Variants in SLC10A6 observed in about 807,000 individuals in gnomAD.
SLC10A6 encodes the protein solute carrier family 10 member 6.
A neutral mutation model predicts 30.0 loss-of-function variants in SLC10A6; 27 were observed. That is an observed-to-expected ratio of 0.90 (90% CI 0.66 to 1.24). The LOEUF (loss-of-function observed/expected upper bound fraction) is 1.24, where lower values mean the gene tolerates loss of function less well. Among genes scored for constraint, SLC10A6 ranks in the 50% most tolerant of loss-of-function variants. SLC10A6 has a pLI of 0.00. For synonymous variants in SLC10A6, 166 were observed against 173.8 expected (o/e 0.95, Z 0.36); for missense variants, 439 against 457.0 (o/e 0.96, Z 0.36).
chr4:86,836,124 T>C (rs1037069404), intron 1 of SLC10A6, among the ~76,000 whole-genome samples: 3 of 152,144 alleles, frequency 2.0e-5, no homozygotes, highest in Non-Finnish European at 2.9e-5. Flanking sequence ...CAGAAGGAAG[T>C]TGTGGTCTTT....
Position 86,823,587 on chromosome 4 carries a change from A to G in SLC10A6, c.*101T>C. The stretch of plus-strand genomic sequence containing the variant: ...AAATATTCTAACATTGAACACTTAA[A>G]TATTCACACTGGCCCTACCAACAAG... On this transcript the variant is annotated 3_prime_UTR_variant, in exon 6 of 6. Coordinates refer to ENST00000273905, the MANE Select transcript of SLC10A6 (RefSeq NM_197965.3). 1 of 870,906 alleles carries G rather than the reference A, an allele frequency of 1.1e-6. No individual in the cohort carries two copies. The highest frequency in any genetic ancestry group is 1.7e-6 in the Non-Finnish European group (1 of 576,320). The allele number at this position is 870,906 out of a possible 1,614,324, so 53.9% of individuals were successfully genotyped here. A position where few individuals can be genotyped will look rare whatever the true frequency, so the allele number is the denominator to read the frequency against.
Position 86,848,795 on chromosome 4 carries a change from C to T in SLC10A6, c.321G>A (p.Pro107=), listed in dbSNP as rs767812260. 17 of 1,612,642 alleles carry T rather than the reference C, an allele frequency of 1.1e-5. No homozygotes were observed. Among genetic ancestry groups the T allele is most frequent in the African/African-American group, 2.7e-5 (2 of 74,904 alleles). Residue 107 remains proline, a synonymous_variant, in exon 1 of 6, where the codon CCG becomes CCA. Coordinates refer to ENST00000273905, the MANE Select transcript of SLC10A6 (RefSeq NM_197965.3). ...TGAAAATGTTAGAGATGGTGCCCCC[C>T]GGGCAGCAGCCCATGATGAGAACAG... is the stretch of plus-strand genomic sequence containing the variant. ...AIAVLIMGCC[P]GGTISNIFTF... is the part of the protein sequence containing the mutation.
chr4:86,847,770 A>G (rs1395650328), intron 1 of SLC10A6, among the ~76,000 whole-genome samples: 1 of 152,224 alleles, frequency 6.6e-6, no homozygotes, highest in East Asian at 1.9e-4. Context: ...TGATTCATTC[A>G]TTCATGGTAA....
Position 86,825,457 on chromosome 4 carries a change from T to A in SLC10A6, c.882A>T (p.Gly294=). 1 of 1,610,240 alleles carries A rather than the reference T, an allele frequency of 6.2e-7. No homozygotes were observed. Among genetic ancestry groups the A allele is most frequent in the Non-Finnish European group, 8.5e-7 (1 of 1,177,134 alleles). ...GAAATCCATCTATCAGCTGGAAGAG[T>A]CCATAGGCCAGTGGGAAACTCAACA... ...VQMLSFPLAY[G]LFQLIDGFLI... The change falls in exon 5 of 6, where the codon GGA becomes GGT. Residue 294 remains glycine (G), a synonymous_variant. Coordinates refer to ENST00000273905, the MANE Select transcript of SLC10A6 (RefSeq NM_197965.3).
rs748269521 is a variant in SLC10A6 at position 86,823,697 on chromosome 4, T to G, written c.1125A>C (p.Ser375=). The G allele has an allele frequency of 6.8e-6, 11 of 1,606,294 alleles. No individual in the cohort carries two copies. Among genetic ancestry groups the G allele is most frequent in the Non-Finnish European group, 9.3e-6 (11 of 1,176,592 alleles). Residue 375 remains serine (S), a synonymous_variant, in exon 6 of 6, where the codon TCA becomes TCC. Coordinates refer to ENST00000273905, the MANE Select transcript of SLC10A6 (RefSeq NM_197965.3). ...AGCCAGCTAGTCCCTGCTATTCACA[T>G]GAAGTGATGTGGCCAACTGGCTCGA... The part of the protein sequence containing the change: ...RALEPVGHIT[S]CE
intron 1 of SLC10A6, among the ~76,000 whole-genome samples, chr4:86,845,371 G>A (rs1746375984): frequency 6.6e-6 from 1 of 152,142 alleles, no homozygotes; most frequent in Non-Finnish European, 1.5e-5. Context: ...GTTCTTAAGG[G>A]GACTAGTGGA....
chr4:86,823,592 C>T lies in SLC10A6; in HGVS notation c.*96G>A. The T allele has an allele frequency of 1.1e-6, 1 of 925,034 alleles. No homozygotes were observed. Among genetic ancestry groups the T allele is most frequent in the Non-Finnish European group, 1.6e-6 (1 of 623,966 alleles). The allele number at this position is 925,034 out of a possible 1,614,324, so 57.3% of individuals were successfully genotyped here. A position where few individuals can be genotyped will look rare whatever the true frequency, so the allele number is the denominator to read the frequency against. ...TTCTAACATTGAACACTTAAATATT[C>T]ACACTGGCCCTACCAACAAGATTCA... On this transcript the variant is annotated 3_prime_UTR_variant, in exon 6 of 6. Coordinates refer to ENST00000273905, the MANE Select transcript of SLC10A6 (RefSeq NM_197965.3).
chr4:86,847,448 A>G (rs1265402757), intron 1 of SLC10A6, among the ~76,000 whole-genome samples: 1 of 152,260 alleles, frequency 6.6e-6, no homozygotes, highest in Non-Finnish European at 1.5e-5. Context: ...TTAGCAATGT[A>G]TATTAATGGC....
At chr4:86,832,881 G>A (rs748840941) in intron 2 of SLC10A6, among the ~76,000 whole-genome samples, 22 of 152,140 alleles carry the variant, frequency 1.4e-4, no homozygotes, top group Non-Finnish European at 2.8e-4. Flanking sequence ...GAAGTCACAG[G>A]AAGGTCTAAT....
At chr4:86,845,986 C>T (rs529454216) in intron 1 of SLC10A6, among the ~76,000 whole-genome samples, 19 of 152,214 alleles carry the variant, frequency 1.2e-4, no homozygotes, top group Non-Finnish European at 2.4e-4. Flanking sequence ...GAAACGTGCT[C>T]AAGGTCATCT....
chr4:86,824,004 A>G (rs1745932503), intron 5 of SLC10A6, 102 bp from the exon 6 acceptor site: 1 of 1,039,342 alleles, frequency 9.6e-7, no homozygotes, highest in East Asian at 2.5e-5. Context: ...TTTCAGTGGC[A>G]TCATGTATGT....
At position 86,832,923 on chromosome 4, in the gene SLC10A6, T is replaced by C. The variant is rs146553056; in HGVS notation, c.496+383A>G. On this transcript the variant is annotated intron_variant, in intron 2 of 5. Coordinates refer to ENST00000273905, the MANE Select transcript of SLC10A6 (RefSeq NM_197965.3). ...CACTAGATCCAGTTAAACCTTGGAGTATAAAGAGTCCAATTGCTTTATAGT... is the reference window on the plus strand; with the variant it reads ...CACTAGATCCAGTTAAACCTTGGAGCATAAAGAGTCCAATTGCTTTATAGT... Among the ~76,000 whole-genome samples, 879 of 152,226 alleles carry C rather than the reference T, an allele frequency of 5.8e-3. 8 individuals are homozygous for C. The highest frequency in any genetic ancestry group is 0.02 in the African/African-American group (839 of 41,534).
At chr4:86,825,821 G>T (rs554784243) in intron 4 of SLC10A6, among the ~76,000 whole-genome samples, 48 of 152,306 alleles carry the variant, frequency 3.2e-4, no homozygotes, top group African/African-American at 1.2e-3. Flanking sequence ...CACAGGAGAG[G>T]TTCAGCAACA....
Position 86,848,951 on chromosome 4 carries a change from G to A in SLC10A6, c.165C>T (p.Ile55=). The change falls in exon 1 of 6, where the codon ATC becomes ATT. Residue 55 remains isoleucine, a synonymous_variant. Transcript: ENST00000273905. ...TCCTGATGTGCGACCACAGCTTCCGGATCTCCACGGAACATCCCAAAGAGA... is the reference window on the plus strand; with the variant it reads ...TCCTGATGTGCGACCACAGCTTCCGAATCTCCACGGAACATCCCAAAGAGA... ...LMFSLGCSVE[I]RKLWSHIRRP... is the part of the protein sequence containing the mutation. 1 of 1,614,086 alleles carries A rather than the reference G, an allele frequency of 6.2e-7. No homozygotes were observed. The highest frequency in any genetic ancestry group is 8.5e-7 in the Non-Finnish European group (1 of 1,180,008).
intron 1 of SLC10A6, among the ~76,000 whole-genome samples, chr4:86,837,343 A>C (rs34200898): frequency 0.23 from 22,790 of 100,888 alleles, 4,130 homozygotes; most frequent in African/African-American, 0.28. Flanking sequence ...GGAAGGAAGG[A>C]AGGCAGGCAG....
In SLC10A6 at chr4:86,828,163, C is replaced by T. The variant is rs1746028362; in HGVS notation, c.591G>A (p.Gly197=). 1.2e-6 allele frequency: 2 copies of T among 1,609,846 alleles called. No individual in the cohort carries two copies. Among genetic ancestry groups the T allele is most frequent in the Non-Finnish European group, 1.7e-6 (2 of 1,178,750 alleles). Residue 197 remains glycine (G), a synonymous_variant, in exon 4 of 6, where the codon GGG becomes GGA. Transcript: ENST00000273905. ...PKQSKIILKI[G]AVVGGVLLLV... Reference sequence around the variant, plus strand: ...GAAGGAGGACCCCACCAACAACGGCCCCAATCTGAAGCAAACAATAAAATA... The same window carrying T: ...GAAGGAGGACCCCACCAACAACGGCTCCAATCTGAAGCAAACAATAAAATA...
intron 2 of SLC10A6, among the ~76,000 whole-genome samples, chr4:86,832,534 T>C (rs139976598): frequency 0.011 from 1,675 of 151,472 alleles, 34 homozygotes; most frequent in African/African-American, 0.038. Flanking sequence ...GAAGTTGCAG[T>C]GAGCCGAGAT....
Position 86,823,605 on chromosome 4 carries a change from C to T in SLC10A6, c.*83G>A, listed in dbSNP as rs1319499325. 2 of 1,097,094 alleles carry T rather than the reference C, an allele frequency of 1.8e-6. No homozygotes were observed. The highest frequency in any genetic ancestry group is 1.6e-5 in the African/African-American group (1 of 63,410). The allele number at this position is 1,097,094 out of a possible 1,614,324, so 68.0% of individuals were successfully genotyped here. On this transcript the variant is annotated 3_prime_UTR_variant, in exon 6 of 6. Coordinates refer to ENST00000273905, the MANE Select transcript of SLC10A6 (RefSeq NM_197965.3). Reference sequence around the variant, plus strand: ...CACTTAAATATTCACACTGGCCCTACCAACAAGATTCATGTGTCAGCTGCA... The same window carrying T: ...CACTTAAATATTCACACTGGCCCTATCAACAAGATTCATGTGTCAGCTGCA...
intron 1 of SLC10A6, among the ~76,000 whole-genome samples, chr4:86,839,441 G>T (rs957947655): frequency 6.6e-6 from 1 of 152,036 alleles, no homozygotes; most frequent in African/African-American, 2.4e-5. Context: ...ACAGAAGGAG[G>T]CCCTGTCTCT....
Sources: allele counts gnomAD v4.1 joint callset (sites outside exome capture counted in the v4.1 genomes callset), GRCh38; gene constraint gnomAD v4.1.1; transcripts MANE v1.5; gene names NCBI Gene and HGNC (gene_info 2026-07-23, HGNC 2026-07-21).